PREX2: variants seen among roughly 807,000 people sequenced by gnomAD.
The protein encoded by PREX2 is phosphatidylinositol 3,4,5-trisphosphate-dependent Rac exchanger 2 protein.
In PREX2, 107 loss-of-function variants were observed where a neutral mutation model predicts 203.2. The observed-to-expected ratio is 0.53, with a 90% CI of 0.45 to 0.62. The LOEUF (loss-of-function observed/expected upper bound fraction) is 0.62. PREX2 is among the 20% of genes least tolerant of loss of function. PREX2 has a pLI of 0.00. For synonymous variants in PREX2, 672 were observed against 663.6 expected (o/e 1.01, Z -0.19); for missense variants, 1,777 against 1,955.9 (o/e 0.91, Z 1.72).
chr8:68,018,192 G>T (rs969601011), intron 2 of PREX2, among the ~76,000 whole-genome samples: 61 of 152,174 alleles, frequency 4.0e-4, no homozygotes, highest in Middle Eastern at 6.8e-3. Context: ...TAAATTGGAG[G>T]TGTGGTGGCT....
chr8:68,058,473 G>A (rs1042952514), intron 10 of PREX2, among the ~76,000 whole-genome samples: 3 of 151,136 alleles, frequency 2.0e-5, no homozygotes, highest in Admixed American at 1.3e-4. Context: ...TCACTCTGTC[G>A]CCCAGGCTGG....
chr8:68,033,145 G>A (rs1205805512), intron 6 of PREX2, among the ~76,000 whole-genome samples: 1 of 152,098 alleles, frequency 6.6e-6, no homozygotes, highest in African/African-American at 2.4e-5. Context: ...TGCCTATCTA[G>A]TATTTTGTTC....
intron 15 of PREX2, among the ~76,000 whole-genome samples, chr8:68,079,119 G>A (rs749077177): frequency 4.6e-5 from 7 of 152,116 alleles, no homozygotes; most frequent in African/African-American, 7.2e-5. Flanking sequence ...CTAGGAGTTC[G>A]AGACCAGCCT....
chr8:68,043,727 A>G (rs537312192), intron 7 of PREX2, among the ~76,000 whole-genome samples: 169 of 152,240 alleles, frequency 1.1e-3, no homozygotes, highest in African/African-American at 3.9e-3. Context: ...AAAGAAAAAC[A>G]TTGAAAAAAT....
intron 35 of PREX2, among the ~76,000 whole-genome samples, 155 bp downstream of exon 35, chr8:68,157,591 A>C (rs1351493382): frequency 6.6e-6 from 1 of 152,084 alleles, no homozygotes; most frequent in African/African-American, 2.4e-5. Flanking sequence ...TAAATATTCT[A>C]ATTTGTTATA....
intron 37 of PREX2, among the ~76,000 whole-genome samples, chr8:68,201,384 AG>A (rs1333606835): frequency 6.6e-6 from 1 of 152,168 alleles, no homozygotes; most frequent in African/African-American, 2.4e-5. Context: ...GAGTTTATTA[AG>A]GAGTATTGAC....
chr8:68,062,946 T>C (rs1298659087), intron 11 of PREX2, among the ~76,000 whole-genome samples: 1 of 152,152 alleles, frequency 6.6e-6, no homozygotes, highest in Non-Finnish European at 1.5e-5. Context: ...ATACAGGTGC[T>C]CAATAAATAT....
chr8:68,102,940 A>G (rs1810307307), intron 23 of PREX2: 1 of 517,824 alleles, frequency 1.9e-6, no homozygotes, highest in Non-Finnish European at 3.9e-6. Context: ...CGGAAGTAAA[A>G]TTATGCCCTG....
chr8:68,135,350 GC>G (rs1811095203), intron 32 of PREX2, among the ~76,000 whole-genome samples: 1 of 152,044 alleles, frequency 6.6e-6, no homozygotes. Context: ...AGTGACATAT[GC>G]AGAATATATA....
At chr8:67,971,289 T>G (rs1008426598) in intron 1 of PREX2, among the ~76,000 whole-genome samples, 9 of 152,066 alleles carry the variant, frequency 5.9e-5, no homozygotes, top group Non-Finnish European at 1.3e-4. Flanking sequence ...CTGAGAGAGA[T>G]CAATTCATTA....
intron 35 of PREX2, among the ~76,000 whole-genome samples, chr8:68,186,649 G>A (rs1348508730): frequency 2.0e-5 from 3 of 152,048 alleles, no homozygotes; most frequent in Admixed American, 2.0e-4. Flanking sequence ...GAGTAGCTGG[G>A]ATTACAGGCA....
In PREX2 at chr8:68,053,223, T is replaced by G. The variant is rs1294300664; in HGVS notation, c.1070T>G (p.Leu357Trp). The G allele has an allele frequency of 6.2e-7, 1 of 1,613,664 alleles. No homozygotes were observed. The highest frequency in any genetic ancestry group is 8.5e-7 in the Non-Finnish European group (1 of 1,179,682). The change falls in exon 9 of 40, where the codon TTG becomes TGG. Residue 357 changes from leucine to tryptophan, a missense_variant. Physicochemically the swap from Leu to Trp is moderately conservative, Grantham distance 61 (BLOSUM62 -2). Coordinates refer to ENST00000288368, the MANE Select transcript of PREX2 (RefSeq NM_024870.4). ...AAGCATGAATGGTTTGAAGCTATTT[T>G]GAAAGAAAGAGAACGGCGGAAAGGT... ...EEKHEWFEAI[L>W]KERERRKGLK...
chr8:68,105,880 G>A (rs1328822365), intron 23 of PREX2: 1 of 151,980 alleles, frequency 6.6e-6, no homozygotes. Context: ...GTTAAGCAAT[G>A]CATTACTGTA....
At chr8:68,043,586 A>G (rs1396229632) in intron 7 of PREX2, among the ~76,000 whole-genome samples, 3 of 152,102 alleles carry the variant, frequency 2.0e-5, no homozygotes, top group South Asian at 4.1e-4. Context: ...ATTTGACTAT[A>G]TAAAATTATT....
chr8:68,056,254 T>C (rs1038861763), intron 10 of PREX2, among the ~76,000 whole-genome samples: 10 of 151,698 alleles, frequency 6.6e-5, no homozygotes, highest in African/African-American at 2.4e-4. Flanking sequence ...AGGCAGGGAG[T>C]GGCAGGCAGG....
chr8:68,207,685 G>A (rs756836251), intron 37 of PREX2, among the ~76,000 whole-genome samples: 4 of 152,080 alleles, frequency 2.6e-5, no homozygotes, highest in Non-Finnish European at 5.9e-5. Flanking sequence ...AAACAACACT[G>A]TGTGTTGTAT....
At position 68,102,710 on chromosome 8, in the gene PREX2, T is replaced by G. The variant is rs1367167240; in HGVS notation, c.2715+2867T>G. 1.3e-5 allele frequency: 5 copies of G among 387,970 alleles called. 1 individual carries two copies. In the Admixed American group the frequency reaches 1.7e-4, roughly 13 times the overall value. 24.0% of individuals were successfully genotyped at this position (387,970 alleles called of 1,614,324 possible). ...AAATCTCAAAGATGCTGGCTTTACCTTATTTTGACTCTGAAAGTTTTAGGT... is the reference window on the plus strand; with the variant it reads ...AAATCTCAAAGATGCTGGCTTTACCGTATTTTGACTCTGAAAGTTTTAGGT... On this transcript the variant is annotated intron_variant, in intron 23 of 39. Coordinates refer to ENST00000288368, the MANE Select transcript of PREX2 (RefSeq NM_024870.4).
At chr8:68,111,214 C>T (rs1563550911) in intron 25 of PREX2, 1 of 187,312 alleles carries the variant, frequency 5.3e-6, no homozygotes, top group Non-Finnish European at 1.1e-5. Context: ...TTTAAGAAAA[C>T]ATCTGGACCA....
intron 17 of PREX2, 119 bp from the exon 18 acceptor site, chr8:68,083,121 G>A: frequency 1.6e-6 from 1 of 623,070 alleles, no homozygotes; most frequent in East Asian, 2.8e-5. Flanking sequence ...AAACACGGCA[G>A]GTGTGTTAAA....
Sources: gnomAD v4.1 joint callset for allele counts (sites outside exome capture counted in the v4.1 genomes callset) on GRCh38, gnomAD v4.1.1 for gene constraint, MANE v1.5 for transcripts, NCBI Gene and HGNC (gene_info 2026-07-23, HGNC 2026-07-21) for gene names.